Variants in TRPV3 observed in about 807,000 individuals in gnomAD.
TRPV3 encodes VRL-3.
In TRPV3, 88 loss-of-function variants were observed where a neutral mutation model predicts 87.1. The observed-to-expected ratio is 1.01, with a 90% CI of 0.85 to 1.21. The LOEUF (loss-of-function observed/expected upper bound fraction) is 1.21, where lower values mean the gene tolerates loss of function less well. Among genes scored for constraint, TRPV3 ranks in the 50% most tolerant of loss-of-function variants. TRPV3 has a pLI of 0.00. For missense variants in TRPV3, 1,054 were observed against 1,030.1 expected, an observed-to-expected ratio of 1.02 and a Z score of -0.32; for synonymous variants, 438 against 423.3, an observed-to-expected ratio of 1.03 and a Z score of -0.43.
At chr17:3,532,525 C>T (rs1326524716) in intron 8 of TRPV3, 132 bp downstream of exon 8, 4 of 1,228,846 alleles carry the variant, frequency 3.3e-6, no homozygotes, top group Non-Finnish European at 4.5e-6. Flanking sequence ...CAGTTCTGGA[C>T]CCAAGGCTGG....
At chr17:3,525,022 G>A (rs1179064037) in intron 12 of TRPV3, among the ~76,000 whole-genome samples, 2 of 152,008 alleles carry the variant, frequency 1.3e-5, no homozygotes, top group South Asian at 2.1e-4. Context: ...TGTTTTTTGG[G>A]GGGGTCAGGG....
rs1422144963 is a variant in TRPV3, at chr17:3,556,690, C to T, written c.-3+986G>A. On this transcript the variant is annotated intron_variant, in intron 1 of 17. Coordinates refer to ENST00000576742, the MANE Select transcript of TRPV3 (RefSeq NM_145068.4). This position sits in a 1 kb window ranked among gnomAD's most constrained non-coding sequence, Gnocchi z 4.2. ...AGCAGGCTCAGGATGGAGGAGGCAT[C>T]GGCGAGGGAGAGCTTTGGCCCTGGA... Among the ~76,000 whole-genome samples the T allele has an allele frequency of 1.3e-5, 2 of 152,098 alleles. No homozygotes were observed. Among genetic ancestry groups the T allele is most frequent in the Non-Finnish European group, 1.5e-5 (1 of 68,010 alleles).
chr17:3,548,097 T>C (rs2150805403), intron 2 of TRPV3, among the ~76,000 whole-genome samples: 1 of 152,322 alleles, frequency 6.6e-6, no homozygotes, highest in South Asian at 2.1e-4. Flanking sequence ...TGTGGCCTCC[T>C]GACCAGCAGG....
chr17:3,520,860 C>T, intron 14 of TRPV3, 113 bp downstream of exon 14: 1 of 557,504 alleles, frequency 1.8e-6, no homozygotes. Context: ...ATGGCAAGTG[C>T]CCCACTGGTA....
rs562352528 is a variant in TRPV3 at position 3,556,255 on chromosome 17, G to A, written c.-2-1403C>T. On this transcript the variant is annotated intron_variant, in intron 1 of 17. Transcript: ENST00000576742. This position sits in a 1 kb window ranked among gnomAD's most constrained non-coding sequence, Gnocchi z 4.2. The stretch of plus-strand genomic sequence containing the variant: ...CTATGGCTGACCCCTGGGGGCAGCT[G>A]GGAGTTGGGTGCAGAGGCTCTGGGT... Among the ~76,000 whole-genome samples the A allele has an allele frequency of 9.4e-4, 143 of 152,208 alleles. 1 individual carries two copies. The highest frequency in any genetic ancestry group is 1.6e-3 in the Admixed American group (24 of 15,284).
rs376142144 is a variant in TRPV3 at position 3,524,194 on chromosome 17, G to T, written c.1743+4C>A. The T allele has an allele frequency of 5.0e-6, 8 of 1,613,416 alleles. No individual in the cohort carries two copies. The highest frequency in any genetic ancestry group is 3.3e-4 in the Middle Eastern group (2 of 6,058). ...CCCTCCCGCCGGCGCAGCTCTCAAC[G>T]CACCTTCTGGATCATGACGCTGTAC... On this transcript the variant is annotated splice_donor_region_variant and intron_variant, in intron 13 of 17. Coordinates refer to ENST00000576742, the MANE Select transcript of TRPV3 (RefSeq NM_145068.4).
Position 3,513,944 on chromosome 17 carries a change from G to A in TRPV3, c.2346C>T (p.Val782=). The change falls in exon 18 of 18, where the codon GTC becomes GTT. Residue 782 remains valine (V), a synonymous_variant. Transcript: ENST00000576742. The part of the protein sequence containing the change: ...SKTTLNAFEE[V]EEFPETSV ...ACACCGAGGTTTCCGGGAATTCCTCGACTTCTTCAAATGCATTGAGAGTGG... is the reference window on the plus strand; with the variant it reads ...ACACCGAGGTTTCCGGGAATTCCTCAACTTCTTCAAATGCATTGAGAGTGG... The A allele has an allele frequency of 6.2e-7, 1 of 1,614,140 alleles. No homozygotes were observed. Among genetic ancestry groups the A allele is most frequent in the Non-Finnish European group, 8.5e-7 (1 of 1,179,994 alleles).
At position 3,532,842 on chromosome 17, in the gene TRPV3, A is replaced by T; in HGVS notation, c.880T>A (p.Ser294Thr). The T allele has an allele frequency of 6.2e-7, 1 of 1,614,220 alleles. No individual in the cohort carries two copies. The highest frequency in any genetic ancestry group is 1.6e-4 in the Middle Eastern group (1 of 6,062). Residue 294 changes from serine (S) to threonine (T), a missense_variant, in exon 8 of 18, where the codon TCA becomes ACA. Coordinates refer to ENST00000576742, the MANE Select transcript of TRPV3 (RefSeq NM_145068.4). ...HEQTDITSRDSRGNNILHALV... is the reference protein window; with the variant it reads ...HEQTDITSRDTRGNNILHALV... ...GCGTGAAGGATGTTGTTGCCTCGTG[A>T]GTCCCGCGAGGTGATGTCCGTCTGC...
chr17:3,554,767 C>T lies in TRPV3; in HGVS notation c.84G>A (p.Glu28=). The change falls in exon 2 of 18, where the codon GAG becomes GAA. Residue 28 remains glutamate, a synonymous_variant. Transcript: ENST00000576742. ...TGGGGGTGATCTCCGCCGGCCTCTT[C>T]TCTGGCAGGATGGCAGGGTTCCCAC... ...APSGNPAILP[E]KRPAEITPTK... 1.9e-6 allele frequency: 3 copies of T among 1,613,024 alleles called. No homozygotes were observed. Among genetic ancestry groups the T allele is most frequent in the African/African-American group, 1.3e-5 (1 of 75,040 alleles).
chr17:3,519,979 T>TGGAC, intron 14 of TRPV3, among the ~76,000 whole-genome samples: 1 of 36,868 alleles, frequency 2.7e-5, no homozygotes, highest in South Asian at 7.4e-4. Flanking sequence ...AATGATTGGA[T>TGGAC]GGATGGATGG....
chr17:3,525,621 ATTT>A (rs35398071), intron 12 of TRPV3, among the ~76,000 whole-genome samples: 6 of 143,438 alleles, frequency 4.2e-5, no homozygotes, highest in Non-Finnish European at 3.1e-5. Flanking sequence ...ACCACAATTA[ATTT>A]TTTTTTTTTT....
intron 2 of TRPV3, among the ~76,000 whole-genome samples, chr17:3,549,265 C>G (rs1371599465): frequency 6.6e-6 from 1 of 152,192 alleles, no homozygotes; most frequent in African/African-American, 2.4e-5. Context: ...ATTTATTGAG[C>G]ATCTACAATG....
At position 3,545,252 on chromosome 17, in the gene TRPV3, T is replaced by C. The variant is rs771675782; in HGVS notation, c.139A>G (p.Ile47Val). 4 of 1,613,628 alleles carry C rather than the reference T, an allele frequency of 2.5e-6. No homozygotes were observed. In the South Asian group the frequency reaches 3.3e-5, roughly 13 times the overall value. ...TKKSAHFFLE[I>V]EGFEPNPTVA... ...GTGGGGTTGGGTTCAAACCCTTCTATCTCCAGGAAGAAGTGTGCACTGAGG... is the reference window on the plus strand; with the variant it reads ...GTGGGGTTGGGTTCAAACCCTTCTACCTCCAGGAAGAAGTGTGCACTGAGG... The change falls in exon 3 of 18, where the codon ATA becomes GTA. Residue 47 changes from isoleucine (I) to valine (V), a missense_variant. Coordinates refer to ENST00000576742, the MANE Select transcript of TRPV3 (RefSeq NM_145068.4).
chr17:3,533,267 T>A (rs2074367213), intron 7 of TRPV3, among the ~76,000 whole-genome samples: 1 of 152,042 alleles, frequency 6.6e-6, no homozygotes, highest in Non-Finnish European at 1.5e-5. Flanking sequence ...TCTCCATCAC[T>A]CACTCCCTCC....
At chr17:3,538,266 C>T (rs2074426696) in intron 6 of TRPV3, among the ~76,000 whole-genome samples, 1 of 151,736 alleles carries the variant, frequency 6.6e-6, no homozygotes, top group South Asian at 2.1e-4. Context: ...AATAGAAAGA[C>T]AAACAGTCTA....
chr17:3,534,175 C>T (rs1237835364), intron 7 of TRPV3, among the ~76,000 whole-genome samples: 1 of 152,116 alleles, frequency 6.6e-6, no homozygotes, highest in Admixed American at 6.5e-5. Flanking sequence ...ATGAACTGGA[C>T]AAGACCCCGT....
intron 6 of TRPV3, 21 bp from the exon 7 acceptor site, chr17:3,535,734 C>T (rs1402062166): frequency 1.4e-5 from 21 of 1,462,108 alleles, no homozygotes; most frequent in African/African-American, 1.3e-4. Flanking sequence ...GGCGGGGACG[C>T]GCGGGAGCCT....
rs2074322693 is a variant in TRPV3 at position 3,528,770 on chromosome 17, C to G, written c.1401+67G>C. The G allele has an allele frequency of 6.3e-7, 1 of 1,583,488 alleles. No individual in the cohort carries two copies. The highest frequency in any genetic ancestry group is 8.6e-7 in the Non-Finnish European group (1 of 1,160,658). On this transcript the variant is annotated intron_variant, in intron 10 of 17. Coordinates refer to ENST00000576742, the MANE Select transcript of TRPV3 (RefSeq NM_145068.4). The surrounding 1 kb of genome is among the most constrained non-coding windows in gnomAD (Gnocchi z 4.2). ...CTGGGCCTCAGTTTTCCCACCTGCACGTGGGGCAGCTCCAAGCCCCTCCAG... is the reference window on the plus strand; with the variant it reads ...CTGGGCCTCAGTTTTCCCACCTGCAGGTGGGGCAGCTCCAAGCCCCTCCAG...
chr17:3,555,836 C>T (rs1316618685), intron 1 of TRPV3, among the ~76,000 whole-genome samples: 1 of 152,114 alleles, frequency 6.6e-6, no homozygotes, highest in Non-Finnish European at 1.5e-5. Flanking sequence ...CCAGCGAAAG[C>T]CATGCGGGCA....
Sources: gnomAD v4.1 joint callset for allele counts (sites outside exome capture counted in the v4.1 genomes callset) on GRCh38, gnomAD v4.1.1 for gene constraint, Gnocchi (gnomAD v3.1) non-coding constraint, MANE v1.5 for transcripts, NCBI Gene and HGNC (gene_info 2026-07-23, HGNC 2026-07-21) for gene names.